ANKRD22: variants seen among roughly 807,000 people sequenced by gnomAD.
ANKRD22 encodes ankyrin repeat domain-containing protein 22.
A neutral mutation model predicts 25.7 loss-of-function variants in ANKRD22; 24 were observed. The observed-to-expected ratio is 0.93, with a 90% CI of 0.68 to 1.31. The LOEUF (loss-of-function observed/expected upper bound fraction) is 1.31. Ranked by LOEUF, ANKRD22 falls within the 50% of genes most tolerant of loss-of-function variation. The pLI is 0.00. For missense variants in ANKRD22, 214 were observed against 227.1 expected (o/e 0.94, Z 0.37); for synonymous variants, 84 against 84.3 (o/e 1.00, Z 0.02).
intron 1 of ANKRD22, among the ~76,000 whole-genome samples, chr10:88,846,418 C>T (rs1844049363): frequency 6.6e-6 from 1 of 152,112 alleles, no homozygotes; most frequent in African/African-American, 2.4e-5. Context: ...TTAATAAAGT[C>T]ACATTTGGGG....
intron 1 of ANKRD22, among the ~76,000 whole-genome samples, chr10:88,834,595 T>C (rs1184350082): frequency 6.6e-6 from 1 of 152,202 alleles, no homozygotes; most frequent in African/African-American, 2.4e-5. Context: ...TTTAAAAAAC[T>C]AGAATATTTC....
intron 1 of ANKRD22, among the ~76,000 whole-genome samples, chr10:88,834,867 G>A (rs545645838): frequency 6.6e-6 from 1 of 152,164 alleles, no homozygotes; most frequent in African/African-American, 2.4e-5. Context: ...CGCTTGATTC[G>A]GCAGTGAGCC....
intron 1 of ANKRD22, among the ~76,000 whole-genome samples, chr10:88,838,208 T>C (rs1286499900): frequency 2.0e-5 from 3 of 151,990 alleles, no homozygotes; most frequent in Non-Finnish European, 2.9e-5. Flanking sequence ...AGTAAGAAGA[T>C]AGAGTTGACT....
In ANKRD22 at chr10:88,823,495, T is replaced by C. The variant is rs17113358; in HGVS notation, c.400-117A>G. The C allele has an allele frequency of 3.6e-3, 2,802 of 787,192 alleles. 52 individuals carry two copies. The African/African-American group carries it at 0.042, about 12-fold the overall frequency. The allele number at this position is 787,192 out of a possible 1,614,324, so 48.8% of individuals were successfully genotyped here. ...TGTAGTATACAACTAAGCAGAAAAA[T>C]AGTCTGCAAACCATTGATAGACAAC... On this transcript the variant is annotated intron_variant, in intron 4 of 5. Coordinates refer to ENST00000371930, the MANE Select transcript of ANKRD22 (RefSeq NM_144590.3).
At chr10:88,829,919 A>T (rs1474182191) in intron 2 of ANKRD22, among the ~76,000 whole-genome samples, 5 of 152,118 alleles carry the variant, frequency 3.3e-5, no homozygotes, top group African/African-American at 1.2e-4. Flanking sequence ...TGGGACTACA[A>T]ACATGTGCCA....
chr10:88,847,786 A>G (rs540413232), intron 1 of ANKRD22, among the ~76,000 whole-genome samples: 1 of 152,020 alleles, frequency 6.6e-6, no homozygotes, highest in Non-Finnish European at 1.5e-5. Context: ...CCCAAAAAAC[A>G]AAAAAAGACA....
intron 1 of ANKRD22, among the ~76,000 whole-genome samples, chr10:88,833,154 A>G (rs1271612970): frequency 5.3e-5 from 8 of 152,322 alleles, no homozygotes; most frequent in Admixed American, 2.0e-4. Flanking sequence ...ACTGAAGTTC[A>G]GGCCGTAAAC....
chr10:88,822,585 G>A lies in ANKRD22; in HGVS notation c.*356C>T, dbSNP rs1843811065. On this transcript the variant is annotated 3_prime_UTR_variant, in exon 6 of 6. Transcript: ENST00000371930. ...TTTTTTTGAGACAGGGTCTCGCTGT[G>A]TTGCCCTGGCTGCTCTCAAACTCCT... 1 of 37,706 alleles carries A rather than the reference G, an allele frequency of 2.7e-5. No individual in the cohort carries two copies. The highest frequency in any genetic ancestry group is 4.1e-4 in the Admixed American group (1 of 2,440). The allele number at this position is 37,706 out of a possible 1,614,324, so 2.3% of individuals were successfully genotyped here. A position where few individuals can be genotyped will look rare whatever the true frequency, so the allele number is the denominator to read the frequency against.
At chr10:88,825,017 A>T (rs1261640709) in intron 4 of ANKRD22, among the ~76,000 whole-genome samples, 19 of 139,822 alleles carry the variant, frequency 1.4e-4, no homozygotes, top group Non-Finnish European at 2.1e-4. Flanking sequence ...TCTCTCACAC[A>T]CACACACACA....
chr10:88,838,870 A>G (rs570308227), intron 1 of ANKRD22, among the ~76,000 whole-genome samples: 103 of 152,318 alleles, frequency 6.8e-4, no homozygotes, highest in African/African-American at 2.4e-3. Context: ...CAGTGAAGGC[A>G]CAGAGGAAAA....
intron 1 of ANKRD22, among the ~76,000 whole-genome samples, chr10:88,839,813 G>A (rs182104788): frequency 1.4e-3 from 212 of 152,200 alleles, no homozygotes; most frequent in East Asian, 9.7e-4. Flanking sequence ...ACAATATTTC[G>A]CCTCAGTGGT....
At chr10:88,832,376 A>G (rs1843913021) in intron 1 of ANKRD22, among the ~76,000 whole-genome samples, 1 of 152,100 alleles carries the variant, frequency 6.6e-6, no homozygotes, top group African/African-American at 2.4e-5. Context: ...TCTTTACTAA[A>G]GATAAAATAC....
At chr10:88,830,137 C>A (rs755080207) in intron 2 of ANKRD22, among the ~76,000 whole-genome samples, 77 of 152,168 alleles carry the variant, frequency 5.1e-4, no homozygotes, top group Non-Finnish European at 5.6e-4. Context: ...TTGCCTGAAC[C>A]TGCTCATTCA....
intron 1 of ANKRD22, among the ~76,000 whole-genome samples, chr10:88,832,734 A>G (rs1395602385): frequency 2.0e-5 from 3 of 152,202 alleles, no homozygotes; most frequent in Admixed American, 2.0e-4. Context: ...TGCTGTTTAT[A>G]AAAAGCATTA....
intron 1 of ANKRD22, among the ~76,000 whole-genome samples, chr10:88,834,676 T>A (rs1050234570): frequency 1.3e-5 from 2 of 152,276 alleles, no homozygotes. Context: ...GGCTTACGCC[T>A]GTAATCCTAG....
chr10:88,828,799 A>G, intron 2 of ANKRD22, 133 bp from the exon 3 acceptor site: 1 of 643,764 alleles, frequency 1.6e-6, no homozygotes, highest in Non-Finnish European at 2.6e-6. Context: ...TGTGGGATAC[A>G]TCTGATTACT....
At chr10:88,827,552 C>G (rs757539197) in intron 3 of ANKRD22, among the ~76,000 whole-genome samples, 24 of 152,166 alleles carry the variant, frequency 1.6e-4, no homozygotes, top group Non-Finnish European at 3.2e-4. Flanking sequence ...ATGCTATGTG[C>G]TAAATACATA....
intron 1 of ANKRD22, among the ~76,000 whole-genome samples, chr10:88,844,246 A>G (rs1844028286): frequency 6.6e-6 from 1 of 152,168 alleles, no homozygotes; most frequent in South Asian, 2.1e-4. Flanking sequence ...GCATGGCTGC[A>G]TGAGCAAGGG....
rs1465980568 is a variant in ANKRD22, at chr10:88,843,307, C to G, written c.21+8280G>C. ...CCTGAGGTTGCTGAAAGACCTCATC[C>G]CACCTTGTTTTAAGCATAATATGAT... On this transcript the variant is annotated intron_variant, in intron 1 of 5. Coordinates refer to ENST00000371930, the MANE Select transcript of ANKRD22 (RefSeq NM_144590.3). Among the ~76,000 whole-genome samples, 3 of 152,188 alleles carry G rather than the reference C, an allele frequency of 2.0e-5. No individual in the cohort carries two copies. The East Asian group carries it at 5.8e-4, about 29-fold the overall frequency.
Sources: allele counts gnomAD v4.1 joint callset (sites outside exome capture counted in the v4.1 genomes callset), GRCh38; gene constraint gnomAD v4.1.1; transcripts MANE v1.5; gene names NCBI Gene and HGNC (gene_info 2026-07-23, HGNC 2026-07-21).